Variants in TRPC4 observed in about 807,000 individuals in gnomAD.
TRPC4 encodes transient receptor potential cation channel subfamily C member 4, also known as short transient receptor potential channel 4.
TRPC4 carries 49 observed loss-of-function variants against 99.4 expected under a neutral mutation model. That is an observed-to-expected ratio of 0.49 (90% confidence interval 0.39 to 0.63). The LOEUF (loss-of-function observed/expected upper bound fraction) is 0.63. Among genes scored for constraint, TRPC4 ranks in the 20% least tolerant of loss-of-function variants. TRPC4 has a pLI of 0.00. For missense variants in TRPC4, 898 were observed against 1,152.9 expected, an observed-to-expected ratio of 0.78 and a Z score of 3.20; for synonymous variants, 454 against 425.9, an observed-to-expected ratio of 1.07 and a Z score of -0.81.
Position 37,840,830 on chromosome 13 carries a change from A to C in TRPC4, c.-28+28765T>G, listed in dbSNP as rs74047201. Among the ~76,000 whole-genome samples, 1,021 of 152,060 alleles carry C rather than the reference A, an allele frequency of 6.7e-3. 14 individuals are homozygous for C. Among genetic ancestry groups the C allele is most frequent in the African/African-American group, 0.023 (967 of 41,526 alleles). ...TTGAGTCTATCATCGGAAAACAATA[A>C]ATTTTATTACACTAAAATAACCATA... is the stretch of plus-strand genomic sequence containing the variant. On this transcript the variant is annotated intron_variant, in intron 1 of 10. Coordinates refer to ENST00000379705, the MANE Select transcript of TRPC4 (RefSeq NM_016179.4).
chr13:37,670,878 C>T (rs1263510703), intron 5 of TRPC4, among the ~76,000 whole-genome samples: 3 of 152,172 alleles, frequency 2.0e-5, no homozygotes, highest in East Asian at 3.9e-4. Flanking sequence ...AATGCTCATG[C>T]ATGTTCATGA....
intron 1 of TRPC4, among the ~76,000 whole-genome samples, chr13:37,827,189 A>C (rs900440210): frequency 6.6e-6 from 1 of 151,866 alleles, no homozygotes; most frequent in South Asian, 2.1e-4. Context: ...TTTTTTTCAA[A>C]GTTCTCAACT....
At chr13:37,686,472 T>A (rs1953485491) in intron 4 of TRPC4, among the ~76,000 whole-genome samples, 1 of 151,956 alleles carries the variant, frequency 6.6e-6, no homozygotes, top group Non-Finnish European at 1.5e-5. Flanking sequence ...TATATATACA[T>A]CCATATAGTA....
intron 2 of TRPC4, among the ~76,000 whole-genome samples, chr13:37,761,199 T>A (rs1393558552): frequency 1.3e-5 from 2 of 151,966 alleles, no homozygotes; most frequent in Non-Finnish European, 2.9e-5. Flanking sequence ...ACTTGCCATG[T>A]GCCATGCCCT....
intron 4 of TRPC4, among the ~76,000 whole-genome samples, chr13:37,678,009 A>G (rs555786313): frequency 1.3e-5 from 2 of 152,304 alleles, no homozygotes; most frequent in African/African-American, 4.8e-5. Context: ...CAACTAAACA[A>G]TACAGTTCTA....
chr13:37,674,818 GCAGTTAGT>G (rs1566087184), intron 4 of TRPC4, among the ~76,000 whole-genome samples: 1 of 152,094 alleles, frequency 6.6e-6, no homozygotes, highest in Non-Finnish European at 1.5e-5. Context: ...GTTTCTTTAA[GCAGTTAGT>G]GCCTTCAGAG....
chr13:37,762,088 G>A (rs533200038), intron 2 of TRPC4, among the ~76,000 whole-genome samples: 2 of 151,816 alleles, frequency 1.3e-5, no homozygotes, highest in African/African-American at 2.4e-5. Flanking sequence ...GGACTAGGAT[G>A]AATCACTAAA....
At chr13:37,842,343 C>CAAAAAAAAAAAAAAAAAAAAAA (rs57428116) in intron 1 of TRPC4, among the ~76,000 whole-genome samples, 2 of 15,648 alleles carry the variant, frequency 1.3e-4, no homozygotes, top group Non-Finnish European at 2.6e-4. Flanking sequence ...AGCGTCTAGC[C>CAAAAAAAAAAAAAAAAAAAAAA]AAAAAAAAAA....
chr13:37,644,269 A>G (rs1296927087), intron 8 of TRPC4, among the ~76,000 whole-genome samples: 1 of 152,162 alleles, frequency 6.6e-6, no homozygotes, highest in African/African-American at 2.4e-5. Context: ...TCTTTTTCTT[A>G]TAATTATCAC....
intron 1 of TRPC4, among the ~76,000 whole-genome samples, chr13:37,857,868 G>C (rs909532480): frequency 2.0e-5 from 3 of 151,638 alleles, no homozygotes; most frequent in Admixed American, 6.6e-5. Flanking sequence ...AAAAGGTTTT[G>C]AGTAATACCC....
At position 37,663,399 on chromosome 13, in the gene TRPC4, A is replaced by T; in HGVS notation, c.1688+17T>A. 1 of 1,598,338 alleles carries T rather than the reference A, an allele frequency of 6.3e-7. No homozygotes were observed. Among genetic ancestry groups the T allele is most frequent in the Non-Finnish European group, 8.5e-7 (1 of 1,171,502 alleles). ...ATGCTGTACAACATTACCAGTAGAAATGTCTATTAGACTTACGTTGAAAAT... is the reference window on the plus strand; with the variant it reads ...ATGCTGTACAACATTACCAGTAGAATTGTCTATTAGACTTACGTTGAAAAT... On this transcript the variant is annotated intron_variant, in intron 6 of 10. Transcript: ENST00000379705.
At chr13:37,680,480 T>C (rs1953200698) in intron 4 of TRPC4, among the ~76,000 whole-genome samples, 1 of 152,176 alleles carries the variant, frequency 6.6e-6, no homozygotes. Flanking sequence ...TATGATTTTA[T>C]CCTAACTGCA....
chr13:37,799,145 A>G lies in TRPC4; in HGVS notation c.-27-15785T>C, dbSNP rs139465679. 7.9e-3 allele frequency among the ~76,000 whole-genome samples: 1,200 copies of G among 152,086 alleles called. 17 individuals carry two copies. In the East Asian group the frequency reaches 0.094, roughly 12 times the overall value. ...GAGACAGGGTTTCACTGTGCTAGCC[A>G]GGTTGGTCTCGATCTCCTGACCTCA... On this transcript the variant is annotated intron_variant, in intron 1 of 10. Transcript: ENST00000379705.
chr13:37,860,574 A>C (rs988971226), intron 1 of TRPC4, among the ~76,000 whole-genome samples: 13 of 151,702 alleles, frequency 8.6e-5, no homozygotes, highest in African/African-American at 3.1e-4. Flanking sequence ...CAAATAAATC[A>C]GTAATTGGAT....
chr13:37,694,511 A>G (rs1953844345), intron 3 of TRPC4, among the ~76,000 whole-genome samples: 1 of 152,200 alleles, frequency 6.6e-6, no homozygotes, highest in African/African-American at 2.4e-5. Flanking sequence ...TTGAATTAAT[A>G]TTTTTGTTGC....
At chr13:37,651,913 T>C (rs1448912886) in intron 7 of TRPC4, among the ~76,000 whole-genome samples, 1 of 152,214 alleles carries the variant, frequency 6.6e-6, no homozygotes, top group Non-Finnish European at 1.5e-5. Flanking sequence ...GGAAAAGTCT[T>C]ATTGGATATG....
At chr13:37,753,583 G>A (rs61129617) in intron 2 of TRPC4, among the ~76,000 whole-genome samples, 1,267 of 120,458 alleles carry the variant, frequency 0.011, 8 homozygotes, top group African/African-American at 0.033. Context: ...GAAAGAGAGA[G>A]AGAGAGAGAG....
chr13:37,771,517 G>T (rs954761148), intron 2 of TRPC4, among the ~76,000 whole-genome samples: 1 of 151,142 alleles, frequency 6.6e-6, no homozygotes, highest in Non-Finnish European at 1.5e-5. Flanking sequence ...AAGAAAAGCA[G>T]TTCATTTTTT....
chr13:37,764,807 C>T (rs1220957305), intron 2 of TRPC4, among the ~76,000 whole-genome samples: 2 of 117,090 alleles, frequency 1.7e-5, no homozygotes, highest in African/African-American at 6.5e-5. Flanking sequence ...TAAATTTTAT[C>T]AAATGCTTTT....
Sources: gnomAD v4.1 joint callset for allele counts (sites outside exome capture counted in the v4.1 genomes callset) on GRCh38, gnomAD v4.1.1 for gene constraint, MANE v1.5 for transcripts, NCBI Gene and HGNC (gene_info 2026-07-23, HGNC 2026-07-21) for gene names.